BICD1: variants seen among roughly 807,000 people sequenced by gnomAD.
BICD1 encodes the protein protein bicaudal D homolog 1.
A neutral mutation model predicts 92.5 loss-of-function variants in BICD1; 35 were observed. The ratio of observed to expected loss-of-function variants is 0.38; its 90% CI spans 0.29 to 0.50. The LOEUF is 0.50. BICD1 is among the 20% of genes least tolerant of loss of function. BICD1 has a pLI of 0.93. For missense variants in BICD1, 950 were observed against 1,189.8 expected (o/e 0.80, Z 2.97); for synonymous variants, 429 against 465.1 (o/e 0.92, Z 1.00).
At chr12:32,343,880 T>C (rs533807854) in intron 8 of BICD1, among the ~76,000 whole-genome samples, 2 of 152,370 alleles carry the variant, frequency 1.3e-5, no homozygotes, top group South Asian at 4.1e-4. Context: ...AAACTGCCTT[T>C]ATGTTTCACT....
At chr12:32,197,641 C>T (rs1944763735) in intron 1 of BICD1, among the ~76,000 whole-genome samples, 1 of 152,134 alleles carries the variant, frequency 6.6e-6, no homozygotes, top group East Asian at 1.9e-4. Flanking sequence ...TAGCTTAAGG[C>T]TATGACTGTA....
chr12:32,329,936 G>T (rs1453248550), intron 5 of BICD1, among the ~76,000 whole-genome samples: 1 of 152,162 alleles, frequency 6.6e-6, no homozygotes, highest in Non-Finnish European at 1.5e-5. Flanking sequence ...AATAAATGTT[G>T]GTGTTGATAA....
chr12:32,315,988 T>A (rs1253289358), intron 4 of BICD1, among the ~76,000 whole-genome samples: 1 of 151,632 alleles, frequency 6.6e-6, no homozygotes, highest in Non-Finnish European at 1.5e-5. Flanking sequence ...ATACAAAAAT[T>A]AGCCGAGTGT....
intron 9 of BICD1, among the ~76,000 whole-genome samples, chr12:32,373,986 G>A (rs1354491010): frequency 1.3e-5 from 2 of 151,946 alleles, no homozygotes; most frequent in South Asian, 4.1e-4. Context: ...AGCAGAGGCA[G>A]GCTGATCACT....
At chr12:32,176,601 T>C (rs984765644) in intron 1 of BICD1, among the ~76,000 whole-genome samples, 7 of 152,230 alleles carry the variant, frequency 4.6e-5, no homozygotes, top group Admixed American at 4.6e-4. Flanking sequence ...TATCATACTG[T>C]TTTGATTTCT....
At chr12:32,323,630 T>C (rs1210634696) in intron 4 of BICD1, among the ~76,000 whole-genome samples, 2 of 152,210 alleles carry the variant, frequency 1.3e-5, no homozygotes, top group African/African-American at 2.4e-5. Flanking sequence ...TTTCCTTTCA[T>C]AGGTATGGAC....
In BICD1 at chr12:32,305,900, C is replaced by T; in HGVS notation, c.783C>T (p.Asn261=). ...ELSQYISLND[N]HISISVDGLK... ...CCCAGTATATCAGCCTCAATGATAACCATATCAGCATCTCAGTAGATGGAC... is the reference window on the plus strand; with the variant it reads ...CCCAGTATATCAGCCTCAATGATAATCATATCAGCATCTCAGTAGATGGAC... Residue 261 remains asparagine, a synonymous_variant, in exon 4 of 10, where the codon AAC becomes AAT. Transcript: ENST00000652176. 2 of 1,614,128 alleles carry T rather than the reference C, an allele frequency of 1.2e-6. No individual in the cohort carries two copies. The highest frequency in any genetic ancestry group is 2.2e-5 in the East Asian group (1 of 44,872).
chr12:32,272,274 A>G (rs1001264554), intron 2 of BICD1, among the ~76,000 whole-genome samples: 1 of 152,142 alleles, frequency 6.6e-6, no homozygotes, highest in Non-Finnish European at 1.5e-5. Context: ...TTATTTTTGC[A>G]TTTGGTTACA....
intron 2 of BICD1, among the ~76,000 whole-genome samples, chr12:32,274,971 C>A (rs1301235828): frequency 1.3e-5 from 2 of 151,822 alleles, no homozygotes; most frequent in East Asian, 3.9e-4. Flanking sequence ...AAACAATGTG[C>A]TTGTAATAGT....
At chr12:32,168,185 A>G (rs1359509902) in intron 1 of BICD1, among the ~76,000 whole-genome samples, 2 of 152,200 alleles carry the variant, frequency 1.3e-5, no homozygotes, top group Non-Finnish European at 2.9e-5. Context: ...TGATAAAGGT[A>G]ATTTTGGTAG....
rs1938591520 is a variant in BICD1 at position 32,346,560 on chromosome 12, A to ATATATATATATATATACGTGTG, written c.2764+7597_2764+7598insCGTGTGTATATATATATATATA. ...TGTATATATATATATATATATATATATATATATATATATATATATATACGT... is the reference window on the plus strand; with the variant it reads ...TGTATATATATATATATATATATATATATATATATATATATACGTGTGTATATATATATATATATATATACGT... On this transcript the variant is annotated intron_variant, in intron 8 of 9. Coordinates refer to ENST00000652176, the MANE Select transcript of BICD1 (RefSeq NM_001714.4). Among the ~76,000 whole-genome samples the ATATATATATATATATACGTGTG allele has an allele frequency of 4.7e-4, 10 of 21,156 alleles. 1 individual carries two copies. Among genetic ancestry groups the ATATATATATATATATACGTGTG allele is most frequent in the South Asian group, 2.4e-3 (1 of 410 alleles). 13.9% of individuals were successfully genotyped at this position (21,156 alleles called of 152,430 possible). A position where few individuals can be genotyped will look rare whatever the true frequency, so the allele number is the denominator to read the frequency against.
At chr12:32,223,176 T>G (rs1945585058) in intron 2 of BICD1, among the ~76,000 whole-genome samples, 1 of 152,218 alleles carries the variant, frequency 6.6e-6, no homozygotes, top group Non-Finnish European at 1.5e-5. Context: ...TCTGCTGGTT[T>G]CAAACTTTTC....
Position 32,267,791 on chromosome 12 carries a change from C to CT in BICD1, c.427-26202dup, listed in dbSNP as rs1459771684. ...TAGGCTCTCTATTTTGTTTCATTGT[C>CT]TGACTATCCTTTTTAAAATAAGTTT... On this transcript the variant is annotated intron_variant, in intron 2 of 9. Transcript: ENST00000652176. Among the ~76,000 whole-genome samples, 4 of 152,184 alleles carry CT rather than the reference C, an allele frequency of 2.6e-5. No homozygotes were observed. The East Asian group carries it at 5.8e-4, about 22-fold the overall frequency.
chr12:32,337,307 A>G lies in BICD1; in HGVS notation c.2253-192A>G, dbSNP rs1938172617. ...ATAATAAATTTTTTAAAAATGTCCCATATATCTCATTGTATGGATGAACAT... is the reference window on the plus strand; with the variant it reads ...ATAATAAATTTTTTAAAAATGTCCCGTATATCTCATTGTATGGATGAACAT... On this transcript the variant is annotated intron_variant, in intron 6 of 9. Coordinates refer to ENST00000652176, the MANE Select transcript of BICD1 (RefSeq NM_001714.4). The surrounding 1 kb of genome is among the most constrained non-coding windows in gnomAD (Gnocchi z 4.7). Among the ~76,000 whole-genome samples the G allele has an allele frequency of 6.6e-6, 1 of 152,208 alleles. No individual in the cohort carries two copies. The highest frequency in any genetic ancestry group is 2.4e-5 in the African/African-American group (1 of 41,464).
At chr12:32,212,092 A>G (rs1365405489) in intron 1 of BICD1, among the ~76,000 whole-genome samples, 1 of 152,384 alleles carries the variant, frequency 6.6e-6, no homozygotes, top group Non-Finnish European at 1.5e-5. Context: ...CTGTATGTAC[A>G]GATGGACATC....
intron 8 of BICD1, chr12:32,353,066 T>C (rs891414799): frequency 2.6e-5 from 4 of 152,290 alleles, no homozygotes; most frequent in South Asian, 2.1e-4. Context: ...TTTTTTCTCT[T>C]TTTATGCACT....
In BICD1 at chr12:32,227,043, C is replaced by T. The variant is rs539311321; in HGVS notation, c.426+10584C>T. ...GCTCAGGAGGTTGAGTGTAAAGTGG[C>T]TGCCAGACCAAGGGAGCTGGATGGA... is the stretch of plus-strand genomic sequence containing the variant. On this transcript the variant is annotated intron_variant, in intron 2 of 9. Transcript: ENST00000652176. Among the ~76,000 whole-genome samples, 13 of 152,280 alleles carry T rather than the reference C, an allele frequency of 8.5e-5. 1 individual carries two copies. The South Asian group carries it at 2.3e-3, about 27-fold the overall frequency.
At chr12:32,248,880 G>A (rs149482942) in intron 2 of BICD1, among the ~76,000 whole-genome samples, 5 of 152,288 alleles carry the variant, frequency 3.3e-5, no homozygotes, top group South Asian at 4.1e-4. Flanking sequence ...AATTCCTGGC[G>A]GCTCCACCCC....
chr12:32,344,299 A>G (rs1409198552), intron 8 of BICD1, among the ~76,000 whole-genome samples: 1 of 152,226 alleles, frequency 6.6e-6, no homozygotes, highest in Non-Finnish European at 1.5e-5. Context: ...CCCCAGTGCC[A>G]TGAGCTCAGC....
Sources: allele counts gnomAD v4.1 joint callset (sites outside exome capture counted in the v4.1 genomes callset), GRCh38; gene constraint gnomAD v4.1.1; non-coding constraint Gnocchi (gnomAD v3.1); transcripts MANE v1.5; gene names NCBI Gene and HGNC (gene_info 2026-07-23, HGNC 2026-07-21).